CALD1: variants seen among roughly 807,000 people sequenced by gnomAD.
CALD1 encodes the protein caldesmon.
Under a neutral mutation model 99.9 loss-of-function variants are expected in CALD1, and 33 were observed. The observed-to-expected ratio is 0.33, with a 90% CI of 0.25 to 0.44. CALD1 has a LOEUF of 0.44. Among genes scored for constraint, CALD1 ranks in the 20% least tolerant of loss-of-function variants. CALD1 has a pLI of 1.00. For synonymous variants in CALD1, 310 were observed against 325.0 expected, an observed-to-expected ratio of 0.95 and a Z score of 0.50; for missense variants, 861 against 962.1, an observed-to-expected ratio of 0.89 and a Z score of 1.39.
the CALD1 span, among the ~76,000 whole-genome samples, chr7:134,712,418 T>G: frequency 4.6e-5 from 7 of 152,274 alleles, no homozygotes; most frequent in South Asian, 1.5e-3. Context: ...ACTGGGTAAT[T>G]ACATCCCGGC....
At chr7:134,857,376 C>T (rs972479715) in intron 2 of CALD1, among the ~76,000 whole-genome samples, 6 of 151,634 alleles carry the variant, frequency 4.0e-5, no homozygotes, top group African/African-American at 1.5e-4. Flanking sequence ...TCACCGTGGT[C>T]TTGATCTCCC....
intron 3 of CALD1, among the ~76,000 whole-genome samples, chr7:134,928,449 A>C (rs1019410840): frequency 2.0e-5 from 3 of 151,430 alleles, no homozygotes; most frequent in African/African-American, 7.3e-5. Context: ...AAAAAAAAAA[A>C]AAAAAAACTA....
In CALD1 at chr7:134,899,357, C is replaced by T. The variant is rs536752659; in HGVS notation, c.72-29397C>T. ...TAGCTGGGATTACAGGCGCCCACCA[C>T]CACACCTGGCTAATTTTCCATTTTT... On this transcript the variant is annotated intron_variant, in intron 3 of 14. Transcript: ENST00000361675. Among the ~76,000 whole-genome samples the T allele has an allele frequency of 3.4e-4, 52 of 152,260 alleles. 1 individual carries two copies. The highest frequency in any genetic ancestry group is 1.2e-3 in the African/African-American group (50 of 41,556).
chr7:134,865,824 G>A (rs1800779792), intron 2 of CALD1, among the ~76,000 whole-genome samples: 1 of 152,162 alleles, frequency 6.6e-6, no homozygotes, highest in African/African-American at 2.4e-5. Flanking sequence ...CACTGTTGCT[G>A]ACAAACAGCC....
intron 1 of CALD1, among the ~76,000 whole-genome samples, chr7:134,832,159 T>TAC (rs1438638522): frequency 5.3e-5 from 8 of 152,154 alleles, no homozygotes; most frequent in African/African-American, 1.9e-4. Context: ...CAGCAGAGAG[T>TAC]ACCCAGGAGA....
At chr7:134,754,753 G>A (rs17203394) in intron 1 of CALD1, among the ~76,000 whole-genome samples, 3 of 151,280 alleles carry the variant, frequency 2.0e-5, no homozygotes, top group African/African-American at 7.3e-5. Context: ...ACTACTAAAC[G>A]CTAACTATGG....
At chr7:134,745,055 A>AT (rs1663397000) in intron 1 of CALD1, among the ~76,000 whole-genome samples, 1 of 152,200 alleles carries the variant, frequency 6.6e-6, no homozygotes, top group African/African-American at 2.4e-5. Context: ...CTCCACATGG[A>AT]TTTTAGCACT....
intron 3 of CALD1, among the ~76,000 whole-genome samples, chr7:134,922,848 G>A (rs1804716434): frequency 6.6e-6 from 1 of 152,198 alleles, no homozygotes; most frequent in African/African-American, 2.4e-5. Context: ...GAGGCAGCAA[G>A]GCCTGGTGTT....
At chr7:134,741,358 T>C (rs1010593296), upstream of CALD1, among the ~76,000 whole-genome samples, 12 of 152,148 alleles carry the variant, frequency 7.9e-5, no homozygotes, top group African/African-American at 2.9e-4. Context: ...AAGACCAGCA[T>C]GGAGGTAACC....
At chr7:134,736,690 A>C in the CALD1 span, among the ~76,000 whole-genome samples, 1 of 152,360 alleles carries the variant, frequency 6.6e-6, no homozygotes, top group Non-Finnish European at 1.5e-5. Flanking sequence ...TGGTGGGTAC[A>C]TCACAGAGAG....
chr7:134,875,590 T>G (rs1248128745), intron 3 of CALD1, among the ~76,000 whole-genome samples: 9 of 152,192 alleles, frequency 5.9e-5, no homozygotes, highest in Admixed American at 3.9e-4. Context: ...TGAGCCGAGA[T>G]CACGCCATTG....
At chr7:134,806,590 T>C (rs888510427) in intron 1 of CALD1, among the ~76,000 whole-genome samples, 16 of 152,212 alleles carry the variant, frequency 1.1e-4, no homozygotes, top group African/African-American at 3.6e-4. Flanking sequence ...TTCTGCAACA[T>C]TTATGCATTT....
At chr7:134,806,359 T>C (rs565534243) in intron 1 of CALD1, among the ~76,000 whole-genome samples, 4 of 152,334 alleles carry the variant, frequency 2.6e-5, no homozygotes, top group African/African-American at 9.6e-5. Context: ...GGTAGAGGGT[T>C]TCCATTTGTG....
At chr7:134,807,297 C>T (rs1798179234) in intron 1 of CALD1, among the ~76,000 whole-genome samples, 1 of 152,134 alleles carries the variant, frequency 6.6e-6, no homozygotes, top group Non-Finnish European at 1.5e-5. Flanking sequence ...TTCCATGATA[C>T]CATGACTGGT....
the CALD1 span, among the ~76,000 whole-genome samples, chr7:134,724,364 T>C: frequency 6.6e-6 from 1 of 152,176 alleles, no homozygotes; most frequent in Non-Finnish European, 1.5e-5. Context: ...AGGTTTAATA[T>C]TCAGGGGAAG....
chr7:134,725,662 G>T, the CALD1 span, among the ~76,000 whole-genome samples: 1 of 152,180 alleles, frequency 6.6e-6, no homozygotes, highest in African/African-American at 2.4e-5. Flanking sequence ...AAAGACATTG[G>T]ATTTTAATCC....
intron 1 of CALD1, among the ~76,000 whole-genome samples, chr7:134,794,453 T>C (rs371024313): frequency 6.6e-6 from 1 of 152,236 alleles, no homozygotes; most frequent in Non-Finnish European, 1.5e-5. Context: ...AAGAAATGTA[T>C]ACCAAAGGCC....
At chr7:134,931,730 T>A (rs1415695975) in intron 4 of CALD1, among the ~76,000 whole-genome samples, 1 of 152,132 alleles carries the variant, frequency 6.6e-6, no homozygotes, top group Non-Finnish European at 1.5e-5. Context: ...CCTGCAGTAG[T>A]GAGGGAGGTG....
chr7:134,782,479 G>A (rs1234798837), intron 1 of CALD1, among the ~76,000 whole-genome samples: 2 of 152,204 alleles, frequency 1.3e-5, no homozygotes, highest in African/African-American at 4.8e-5. Flanking sequence ...GAGTAGATGG[G>A]TAGTTTAAAG....
Sources: gnomAD v4.1 joint callset for allele counts (sites outside exome capture counted in the v4.1 genomes callset) on GRCh38, gnomAD v4.1.1 for gene constraint, MANE v1.5 for transcripts, NCBI Gene and HGNC (gene_info 2026-07-23, HGNC 2026-07-21) for gene names.